Variants in LOC128125814 observed in about 807,000 individuals in gnomAD.
chr12:57,518,730 C>G, the LOC128125814 span, among the ~76,000 whole-genome samples: 1 of 152,196 alleles, frequency 6.6e-6, no homozygotes, highest in Non-Finnish European at 1.5e-5. Flanking sequence ...GCGCAATCGG[C>G]TCACTGCAAC....
the LOC128125814 span, chr12:57,517,782 AT>A: frequency 2.3e-6 from 1 of 425,578 alleles, no homozygotes. Flanking sequence ...AATGTCAGCC[AT>A]TTTTGGAAGG....
the LOC128125814 span, chr12:57,519,335 T>G: frequency 2.5e-6 from 1 of 403,616 alleles, no homozygotes; most frequent in Non-Finnish European, 5.0e-6. Flanking sequence ...TGCTTTAGCT[T>G]TCTCCGTGGC....
At chr12:57,518,263 T>C in the LOC128125814 span, among the ~76,000 whole-genome samples, 7 of 152,216 alleles carry the variant, frequency 4.6e-5, no homozygotes, top group African/African-American at 7.2e-5. Flanking sequence ...TTTGTAGTCC[T>C]GGTTACATAA....
the LOC128125814 span, among the ~76,000 whole-genome samples, chr12:57,520,106 C>G: frequency 1.3e-5 from 2 of 152,206 alleles, no homozygotes; most frequent in Non-Finnish European, 2.9e-5. Context: ...GACCTGCCTC[C>G]CCGCGGACAG....
chr12:57,518,937 GGT>G, the LOC128125814 span, among the ~76,000 whole-genome samples: 1 of 152,178 alleles, frequency 6.6e-6, no homozygotes, highest in Non-Finnish European at 1.5e-5. Context: ...TGGGATTACA[GGT>G]GTGAGCCACC....
the LOC128125814 span, chr12:57,519,156 G>A: frequency 1.9e-6 from 1 of 533,296 alleles, no homozygotes; most frequent in African/African-American, 1.9e-5. Flanking sequence ...AGCAGCCTGA[G>A]TGAGCCTTTT....
At chr12:57,519,438 G>A in the LOC128125814 span, among the ~76,000 whole-genome samples, 3 of 152,274 alleles carry the variant, frequency 2.0e-5, no homozygotes, top group South Asian at 2.1e-4. Flanking sequence ...GTGGCACACA[G>A]TAGGTCCTCA....
chr12:57,517,824 T>C, the LOC128125814 span: 4 of 431,902 alleles, frequency 9.3e-6, no homozygotes, highest in Admixed American at 7.9e-5. Context: ...CTTTTTCTTT[T>C]TTTCTTTCTT....
At chr12:57,519,000 T>G in the LOC128125814 span, among the ~76,000 whole-genome samples, 3 of 152,202 alleles carry the variant, frequency 2.0e-5, no homozygotes, top group South Asian at 6.2e-4. Flanking sequence ...AAACCTTTGC[T>G]TAGAAGAATC....
At chr12:57,519,458 T>G in the LOC128125814 span, among the ~76,000 whole-genome samples, 1 of 152,120 alleles carries the variant, frequency 6.6e-6, no homozygotes, top group African/African-American at 2.4e-5. Context: ...ATTAAGTATT[T>G]GTTAAGAATG....
chr12:57,519,631 C>T, the LOC128125814 span, among the ~76,000 whole-genome samples: 1 of 152,210 alleles, frequency 6.6e-6, no homozygotes, highest in Non-Finnish European at 1.5e-5. Context: ...TGGGACTTGG[C>T]TTTCATCAGC....
At chr12:57,519,090 CAGA>C in the LOC128125814 span, 1 of 530,840 alleles carries the variant, frequency 1.9e-6, no homozygotes, top group African/African-American at 1.9e-5. Flanking sequence ...TTTCTGACTG[CAGA>C]AGGTCTTCCC....
At chr12:57,518,071 G>A in the LOC128125814 span, among the ~76,000 whole-genome samples, 3 of 151,988 alleles carry the variant, frequency 2.0e-5, no homozygotes, top group South Asian at 2.1e-4. Flanking sequence ...GTGATCCATC[G>A]CTTCCCAAAG....
chr12:57,518,928 G>A, the LOC128125814 span, among the ~76,000 whole-genome samples: 16 of 152,192 alleles, frequency 1.1e-4, no homozygotes, highest in Non-Finnish European at 1.5e-4. Context: ...CCAAAGTGCT[G>A]GGATTACAGG....
At chr12:57,517,801 G>T in the LOC128125814 span, 1 of 423,890 alleles carries the variant, frequency 2.4e-6, no homozygotes, top group Non-Finnish European at 4.2e-6. Flanking sequence ...AGGGGGAGAG[G>T]CAACTTACTT....
chr12:57,519,834 G>A, the LOC128125814 span, among the ~76,000 whole-genome samples: 1 of 152,174 alleles, frequency 6.6e-6, no homozygotes, highest in African/African-American at 2.4e-5. Flanking sequence ...TGTGCAGGAG[G>A]CCCAGAGACC....
chr12:57,519,133 CT>C, the LOC128125814 span: 3 of 533,040 alleles, frequency 5.6e-6, no homozygotes, highest in Non-Finnish European at 1.2e-5. Context: ...CTCCGCAACT[CT>C]ATTCACCATA....
chr12:57,519,230 T>G, the LOC128125814 span: 2 of 532,404 alleles, frequency 3.8e-6, no homozygotes, highest in Non-Finnish European at 7.7e-6. Flanking sequence ...TGGAAGTCAC[T>G]GAAGGGTTTT....
the LOC128125814 span, chr12:57,520,275 C>T: frequency 5.0e-6 from 2 of 396,442 alleles, no homozygotes; most frequent in South Asian, 1.4e-4. Flanking sequence ...TTGTAAGCAC[C>T]ACCCCAGAAT....
Sources: allele counts gnomAD v4.1 joint callset (sites outside exome capture counted in the v4.1 genomes callset), GRCh38; gene constraint gnomAD v4.1.1; transcripts MANE v1.5.